MSH3: variants seen among roughly 807,000 people sequenced by gnomAD.
MSH3 encodes mutS homolog 3, also known as DNA mismatch repair protein Msh3.
In MSH3, 106 loss-of-function variants were observed where a neutral mutation model predicts 123.3. The ratio of observed to expected loss-of-function variants is 0.86; its 90% CI spans 0.73 to 1.01. The LOEUF (loss-of-function observed/expected upper bound fraction) is 1.01. Among genes scored for constraint, MSH3 ranks in the 50% least tolerant of loss-of-function variants. MSH3 has a pLI of 0.00. For missense variants in MSH3, 1,459 were observed against 1,347.6 expected (o/e 1.08, Z -1.29); for synonymous variants, 515 against 481.4 (o/e 1.07, Z -0.91).
chr5:80,737,623 C>A (rs921395563), intron 10 of MSH3, among the ~76,000 whole-genome samples: 1 of 152,020 alleles, frequency 6.6e-6, no homozygotes, highest in Admixed American at 6.6e-5. Flanking sequence ...GGTCAGTGAT[C>A]GGATACTATT....
At chr5:80,796,528 C>T (rs796172442) in intron 19 of MSH3, among the ~76,000 whole-genome samples, 9 of 149,596 alleles carry the variant, frequency 6.0e-5, no homozygotes, top group African/African-American at 1.5e-4. Context: ...AAAGAACTTA[C>T]GTAAAATTCA....
intron 20 of MSH3, among the ~76,000 whole-genome samples, chr5:80,824,187 C>T (rs1209543903): frequency 6.6e-6 from 1 of 152,236 alleles, no homozygotes; most frequent in Non-Finnish European, 1.5e-5. Context: ...GTCATCATGG[C>T]CCATTCTCAA....
At chr5:80,827,324 C>T (rs965021164) in intron 20 of MSH3, among the ~76,000 whole-genome samples, 1 of 152,208 alleles carries the variant, frequency 6.6e-6, no homozygotes, top group Non-Finnish European at 1.5e-5. Context: ...CCTCTTCTGA[C>T]ACCCAGCTTC....
chr5:80,799,979 T>C (rs1450226456), intron 19 of MSH3, among the ~76,000 whole-genome samples: 1 of 152,226 alleles, frequency 6.6e-6, no homozygotes, highest in Non-Finnish European at 1.5e-5. Context: ...TCTTTTATTT[T>C]TAGATCTTCT....
At chr5:80,828,564 C>T (rs754774802) in intron 20 of MSH3, among the ~76,000 whole-genome samples, 4 of 152,110 alleles carry the variant, frequency 2.6e-5, no homozygotes, top group East Asian at 3.9e-4. Context: ...AGAGTCTCAT[C>T]GAATCAGATG....
rs1749369807 is a variant in MSH3 at position 80,659,241 on chromosome 5, A to G, written c.358+2710A>G. Among the ~76,000 whole-genome samples the G allele has an allele frequency of 2.0e-5, 3 of 152,142 alleles. No individual in the cohort carries two copies. The South Asian group carries it at 6.2e-4, about 32-fold the overall frequency. ...AGAGTGAGATTCTGTCTCAAAAAAA[A>G]AAAAAAAGATACAGTTATGCAATAT... On this transcript the variant is annotated intron_variant, in intron 2 of 23. Coordinates refer to ENST00000265081, the MANE Select transcript of MSH3 (RefSeq NM_002439.5).
At chr5:80,802,135 C>G (rs987535000) in intron 19 of MSH3, among the ~76,000 whole-genome samples, 1 of 151,948 alleles carries the variant, frequency 6.6e-6, no homozygotes, top group African/African-American at 2.4e-5. Flanking sequence ...CCAAAGATAG[C>G]CACTGTTAAC....
At chr5:80,768,263 C>A in intron 14 of MSH3, 143 bp downstream of exon 14, 1 of 840,988 alleles carries the variant, frequency 1.2e-6, no homozygotes, top group Middle Eastern at 2.3e-4. Flanking sequence ...GTGATTGGAC[C>A]CTAAAAGTGT....
At chr5:80,839,580 C>T (rs559547490) in intron 20 of MSH3, among the ~76,000 whole-genome samples, 6 of 152,100 alleles carry the variant, frequency 3.9e-5, no homozygotes, top group Non-Finnish European at 8.8e-5. Flanking sequence ...ATGTTGTTTT[C>T]ATTTAATGTC....
chr5:80,876,628 CA>C lies in MSH3; in HGVS notation c.*779del, dbSNP rs71879707. ...TGGGCAACAGAGCAAGACTCCATCT[CA>C]AAAAAAAAAAAAGAAAAAAGAAAAG... On this transcript the variant is annotated 3_prime_UTR_variant, in exon 24 of 24. Transcript: ENST00000265081. Among the ~76,000 whole-genome samples the C allele has an allele frequency of 0.3, 37,197 of 125,814 alleles. 4,891 individuals are homozygous for C. Among genetic ancestry groups the C allele is most frequent in the Non-Finnish European group, 0.35 (21,007 of 59,578 alleles). 82.5% of individuals were successfully genotyped at this position (125,814 alleles called of 152,430 possible).
intron 20 of MSH3, among the ~76,000 whole-genome samples, chr5:80,837,008 T>G (rs1466156883): frequency 6.6e-6 from 1 of 152,138 alleles, no homozygotes; most frequent in Non-Finnish European, 1.5e-5. Flanking sequence ...TGGGATCCTG[T>G]GTTGTGCAGA....
At chr5:80,754,807 C>T (rs1743896280) in intron 12 of MSH3, among the ~76,000 whole-genome samples, 1 of 152,024 alleles carries the variant, frequency 6.6e-6, no homozygotes, top group African/African-American at 2.4e-5. Flanking sequence ...TTGGTAAACC[C>T]ATATGTTTGG....
At chr5:80,751,173 CA>C (rs1298430663) in intron 12 of MSH3, among the ~76,000 whole-genome samples, 5 of 152,058 alleles carry the variant, frequency 3.3e-5, no homozygotes, top group African/African-American at 1.2e-4. Flanking sequence ...GAGCATGTCT[CA>C]ATAGGATGTA....
chr5:80,784,277 A>C (rs1439170704), intron 17 of MSH3, among the ~76,000 whole-genome samples: 1 of 149,804 alleles, frequency 6.7e-6, no homozygotes, highest in African/African-American at 2.4e-5. Flanking sequence ...TCGAAGCCAG[A>C]GCAGGAATAA....
At chr5:80,691,303 A>G (rs930585514) in intron 8 of MSH3, among the ~76,000 whole-genome samples, 2 of 151,946 alleles carry the variant, frequency 1.3e-5, no homozygotes. Flanking sequence ...AGCAGCAACA[A>G]ATAGAAAATG....
intron 8 of MSH3, among the ~76,000 whole-genome samples, chr5:80,703,717 A>G (rs1727839336): frequency 6.6e-6 from 1 of 152,142 alleles, no homozygotes; most frequent in Admixed American, 6.5e-5. Context: ...TACTTCAGGA[A>G]TGTGTTTTTA....
Position 80,728,871 on chromosome 5 carries a change from A to G in MSH3, c.1474A>G (p.Ile492Val). The G allele has an allele frequency of 1.2e-6, 2 of 1,600,240 alleles. No individual in the cohort carries two copies. Among genetic ancestry groups the G allele is most frequent in the South Asian group, 1.1e-5 (1 of 90,606 alleles). Reference protein sequence around the residue: ...DIKGSQIISGIVNLEKPVICS... With the variant: ...DIKGSQIISGVVNLEKPVICS... ...TCTAGGTTCTCAAATTATTTCTGGC[A>G]TTGTTAACTTAGAGAAGCCTGTGAT... Residue 492 changes from isoleucine (I) to valine (V), a missense_variant, in exon 10 of 24, where the codon ATT becomes GTT. By Grantham distance (29) the Ile-to-Val change is conservative. Coordinates refer to ENST00000265081, the MANE Select transcript of MSH3 (RefSeq NM_002439.5).
intron 8 of MSH3, among the ~76,000 whole-genome samples, chr5:80,682,179 G>A (rs113216992): frequency 0.01 from 1,530 of 152,210 alleles, 26 homozygotes; most frequent in African/African-American, 0.035. Flanking sequence ...AAAGTTAGCA[G>A]GGGTCAAACA....
chr5:80,864,332 T>G (rs921354627), intron 21 of MSH3, among the ~76,000 whole-genome samples: 15 of 152,214 alleles, frequency 9.9e-5, no homozygotes, highest in African/African-American at 3.1e-4. Context: ...CCACCCACAC[T>G]CTATTCCTGT....
Sources: gnomAD v4.1 joint callset for allele counts (sites outside exome capture counted in the v4.1 genomes callset) on GRCh38, gnomAD v4.1.1 for gene constraint, MANE v1.5 for transcripts, NCBI Gene and HGNC (gene_info 2026-07-23, HGNC 2026-07-21) for gene names.